FNDC3A: variants seen among roughly 807,000 people sequenced by gnomAD.
FNDC3A encodes fibronectin type III domain containing 3A.
Under a neutral mutation model 148.9 loss-of-function variants are expected in FNDC3A, and 32 were observed. The observed-to-expected ratio is 0.21, with a 90% CI of 0.16 to 0.29. The LOEUF (loss-of-function observed/expected upper bound fraction) is 0.29. Ranked by LOEUF, FNDC3A falls within the 10% of genes least tolerant of loss-of-function variation. The pLI is 1.00. For missense variants in FNDC3A, 1,191 were observed against 1,452.8 expected, an observed-to-expected ratio of 0.82 and a Z score of 2.93; for synonymous variants, 472 against 473.6, an observed-to-expected ratio of 1.00 and a Z score of 0.04.
intron 3 of FNDC3A, among the ~76,000 whole-genome samples, chr13:49,098,162 TAA>T (rs1384355248): frequency 1.3e-5 from 2 of 152,094 alleles, no homozygotes; most frequent in East Asian, 3.8e-4. Flanking sequence ...ATAATTAAAA[TAA>T]AAAAGTTTAG....
At chr13:49,045,707 GACCTCTTGATT>G (rs1875342281) in intron 2 of FNDC3A, 1 of 1,152,738 alleles carries the variant, frequency 8.7e-7, no homozygotes, top group South Asian at 1.5e-5. Flanking sequence ...CAATAGCTTG[GACCTCTTGATT>G]TTCAAAAACC....
At chr13:49,189,008 A>G (rs1885737065) in intron 17 of FNDC3A, among the ~76,000 whole-genome samples, 1 of 152,246 alleles carries the variant, frequency 6.6e-6, no homozygotes, top group South Asian at 2.1e-4. Context: ...ACATCATAAA[A>G]TAGTATCTGC....
chr13:49,045,897 C>G lies in FNDC3A; in HGVS notation c.100-29392C>G, dbSNP rs1593513280. 2.1e-5 allele frequency: 5 copies of G among 234,334 alleles called. No individual in the cohort carries two copies. The East Asian group carries it at 4.7e-4, about 22-fold the overall frequency. The allele number at this position is 234,334 out of a possible 1,614,324, so 14.5% of individuals were successfully genotyped here. On this transcript the variant is annotated intron_variant, in intron 2 of 25. Coordinates refer to ENST00000492622, the MANE Select transcript of FNDC3A (RefSeq NM_001079673.2). ...TAGATACATCCTTGACAGAGCAATT[C>G]TAGAGAAGTTTTTATCAGGGACAAT... is the stretch of plus-strand genomic sequence containing the variant.
intron 1 of FNDC3A, among the ~76,000 whole-genome samples, chr13:49,001,285 G>T (rs1476525390): frequency 6.6e-6 from 1 of 152,120 alleles, no homozygotes; most frequent in African/African-American, 2.4e-5. Flanking sequence ...GATTTCCTGT[G>T]CCTGTCTTTA....
chr13:49,141,561 T>C (rs1001621737), intron 7 of FNDC3A, among the ~76,000 whole-genome samples: 2 of 152,226 alleles, frequency 1.3e-5, no homozygotes, highest in Non-Finnish European at 2.9e-5. Flanking sequence ...TATTCTACTT[T>C]AGTATTTCTG....
chr13:49,140,000 A>G (rs1882597967), intron 7 of FNDC3A, among the ~76,000 whole-genome samples: 1 of 152,210 alleles, frequency 6.6e-6, no homozygotes, highest in Admixed American at 6.5e-5. Flanking sequence ...GTGATTTAAT[A>G]GCTAATGCTA....
intron 4 of FNDC3A, among the ~76,000 whole-genome samples, chr13:49,122,701 A>G (rs770597627): frequency 5.3e-5 from 8 of 152,168 alleles, no homozygotes; most frequent in Non-Finnish European, 2.9e-5. Flanking sequence ...CTATACACCA[A>G]TAATAGGCAA....
chr13:49,197,775 A>G lies in FNDC3A; in HGVS notation c.2391A>G (p.Gly797=). The change falls in exon 21 of 26, where the codon GGA becomes GGG. Residue 797 remains glycine, a synonymous_variant. Transcript: ENST00000492622. ...TCACTGAATATCGACTGGAGTGGGG[A>G]GGAGTTGAAGGAAGTATGCAGATAT... The part of the protein sequence containing the change: ...TDVTEYRLEW[G]GVEGSMQICY... 1 of 1,610,488 alleles carries G rather than the reference A, an allele frequency of 6.2e-7. No homozygotes were observed. The highest frequency in any genetic ancestry group is 8.5e-7 in the Non-Finnish European group (1 of 1,179,154).
intron 1 of FNDC3A, among the ~76,000 whole-genome samples, chr13:48,994,974 T>C (rs1951997582): frequency 6.6e-6 from 1 of 152,180 alleles, no homozygotes; most frequent in African/African-American, 2.4e-5. Context: ...TAAAAGGTTT[T>C]AAGAAAGATG....
At chr13:49,023,886 C>G (rs1351576509) in intron 2 of FNDC3A, among the ~76,000 whole-genome samples, 1 of 151,886 alleles carries the variant, frequency 6.6e-6, no homozygotes, top group Non-Finnish European at 1.5e-5. Flanking sequence ...AAATTGAGTT[C>G]TGCTTTTTCA....
chr13:49,130,387 A>G lies in FNDC3A; in HGVS notation c.253-750A>G, dbSNP rs541861666. Among the ~76,000 whole-genome samples, 34 of 152,318 alleles carry G rather than the reference A, an allele frequency of 2.2e-4. No homozygotes were observed. In the South Asian group the frequency reaches 6.6e-3, roughly 30 times the overall value. On this transcript the variant is annotated intron_variant, in intron 4 of 25. Transcript: ENST00000492622. ...CATAAGAATTTTACATCCAAATTCT[A>G]ACATGTCATTGATTATCTGATTGAG...
At chr13:49,063,221 T>C (rs1288382803) in intron 2 of FNDC3A, among the ~76,000 whole-genome samples, 1 of 152,230 alleles carries the variant, frequency 6.6e-6, no homozygotes, top group Non-Finnish European at 1.5e-5. Flanking sequence ...AATGAGCTAA[T>C]GTTTCCTAAC....
At chr13:49,180,709 C>T (rs1885258348) in intron 14 of FNDC3A, among the ~76,000 whole-genome samples, 1 of 152,070 alleles carries the variant, frequency 6.6e-6, no homozygotes, top group South Asian at 2.1e-4. Flanking sequence ...GTGTTAAATT[C>T]CTTAGCATTC....
At chr13:49,098,112 T>C (rs181705740) in intron 3 of FNDC3A, among the ~76,000 whole-genome samples, 260 of 152,158 alleles carry the variant, frequency 1.7e-3, no homozygotes, top group African/African-American at 6.1e-3. Context: ...ACAGAAGCTG[T>C]GAGGAAACTA....
intron 3 of FNDC3A, among the ~76,000 whole-genome samples, chr13:49,093,486 T>TC (rs907566291): frequency 6.6e-6 from 1 of 152,170 alleles, no homozygotes; most frequent in African/African-American, 2.4e-5. Context: ...TATTCAGTCC[T>TC]CCCAGCAACC....
At chr13:49,021,994 C>CT (rs1315677437) in intron 2 of FNDC3A, among the ~76,000 whole-genome samples, 2 of 152,258 alleles carry the variant, frequency 1.3e-5, no homozygotes, top group East Asian at 3.9e-4. Flanking sequence ...TAGAATAAAA[C>CT]TATGTTCAAA....
At chr13:48,995,220 C>T (rs903406335) in intron 1 of FNDC3A, among the ~76,000 whole-genome samples, 25 of 151,852 alleles carry the variant, frequency 1.6e-4, no homozygotes, top group Non-Finnish European at 3.2e-4. Context: ...AGTGAAAGGC[C>T]TTTTTATTTA....
Position 49,198,507 on chromosome 13 carries a change from G to A in FNDC3A, c.2920G>A (p.Gly974Arg). ...GAACCTTAAGCTGAAATGGGGAGAA[G>A]GAACTCCAAAGACATTGTCAACCGA... is the stretch of plus-strand genomic sequence containing the variant. ...HQNLKLKWGE[G>R]TPKTLSTDSI... The change falls in exon 23 of 26, where the codon GGA (glycine) becomes AGA (arginine). Residue 974 changes from glycine (G) to arginine (R), a missense_variant. Coordinates refer to ENST00000492622, the MANE Select transcript of FNDC3A (RefSeq NM_001079673.2). 1.2e-6 allele frequency: 2 copies of A among 1,614,200 alleles called. No homozygotes were observed. Among genetic ancestry groups the A allele is most frequent in the Non-Finnish European group, 1.7e-6 (2 of 1,180,032 alleles).
At chr13:49,172,329 A>C (rs1048788464) in intron 11 of FNDC3A, among the ~76,000 whole-genome samples, 2 of 152,220 alleles carry the variant, frequency 1.3e-5, no homozygotes, top group Admixed American at 1.3e-4. Flanking sequence ...ACCTTGATAA[A>C]GGAACTTTTT....
Sources: gnomAD v4.1 joint callset for allele counts (sites outside exome capture counted in the v4.1 genomes callset) on GRCh38, gnomAD v4.1.1 for gene constraint, MANE v1.5 for transcripts, NCBI Gene and HGNC (gene_info 2026-07-23, HGNC 2026-07-21) for gene names.